The following TLR5 variants were observed in gnomAD, a reference collection of about 807,000 sequenced individuals.
The protein encoded by TLR5 is toll-like receptor 5.
For missense variants in TLR5, 944 were observed against 999.8 expected (o/e 0.94, Z 0.75); for synonymous variants, 373 against 384.4 (o/e 0.97, Z 0.35).
In TLR5 at chr1:223,111,292, C is replaced by CACAAATGAA; in HGVS notation, c.1739_1740insTTCATTTGT (p.Lys580delinsAsnSerPheVal). 2 of 1,614,098 alleles carry CACAAATGAA rather than the reference C, an allele frequency of 1.2e-6. No homozygotes were observed. The highest frequency in any genetic ancestry group is 1.7e-6 in the Non-Finnish European group (2 of 1,180,022). On this transcript the variant is annotated protein_altering_variant, in exon 6 of 6. Coordinates refer to ENST00000642603, the MANE Select transcript of TLR5 (RefSeq NM_003268.6). ...TGCTAAGTTCACATTCACAAATGAA[C>CACAAATGAA]TTGTTATGAGTTATATCCAAGACAC... is the stretch of plus-strand genomic sequence containing the variant.
At chr1:223,121,563 G>A (rs2102896764) in intron 5 of TLR5, among the ~76,000 whole-genome samples, 1 of 152,318 alleles carries the variant, frequency 6.6e-6, no homozygotes, top group South Asian at 2.1e-4. Flanking sequence ...CTGCTGTCCA[G>A]GCTGGAGTGC....
At chr1:223,122,340 C>T (rs1458110979) in intron 5 of TLR5, among the ~76,000 whole-genome samples, 7 of 152,086 alleles carry the variant, frequency 4.6e-5, no homozygotes, top group African/African-American at 1.4e-4. Flanking sequence ...CTCCAGGGTT[C>T]CTGGCGTGCA....
chr1:223,114,451 G>A (rs140923375), intron 5 of TLR5, among the ~76,000 whole-genome samples: 3 of 152,308 alleles, frequency 2.0e-5, no homozygotes, highest in African/African-American at 4.8e-5. Flanking sequence ...AGGAGAATGA[G>A]AGGAAAAATA....
chr1:223,142,995 C>T (rs1657945562), intron 1 of TLR5, among the ~76,000 whole-genome samples: 1 of 152,164 alleles, frequency 6.6e-6, no homozygotes, highest in Non-Finnish European at 1.5e-5. Flanking sequence ...GGCCGAGGGA[C>T]CCCACGTCTC....
chr1:223,125,351 G>T lies in TLR5; in HGVS notation c.-5+7124C>A, dbSNP rs1657123858. 4.6e-5 allele frequency among the ~76,000 whole-genome samples: 7 copies of T among 152,322 alleles called. No homozygotes were observed. In the South Asian group the frequency reaches 1.4e-3, roughly 32 times the overall value. On this transcript the variant is annotated intron_variant, in intron 5 of 5. Coordinates refer to ENST00000642603, the MANE Select transcript of TLR5 (RefSeq NM_003268.6). ...CCCCTGCACCTGCAAGGCTGAGTAT[G>T]GAGAACCCGTGGGACTGTCTTGAAA...
In TLR5 at chr1:223,115,252, T is replaced by C. The variant is rs562012035; in HGVS notation, c.-4-2217A>G. 5.3e-5 allele frequency among the ~76,000 whole-genome samples: 8 copies of C among 152,292 alleles called. No homozygotes were observed. In the East Asian group the frequency reaches 1.4e-3, roughly 26 times the overall value. The stretch of plus-strand genomic sequence containing the variant: ...ACCCATTATGTGTCAGGCACTGTTT[T>C]ATTTATTATTTATTTGAGACAGGGT... On this transcript the variant is annotated intron_variant, in intron 5 of 5. Coordinates refer to ENST00000642603, the MANE Select transcript of TLR5 (RefSeq NM_003268.6).
intron 2 of TLR5, among the ~76,000 whole-genome samples, chr1:223,137,643 G>A (rs1001096528): frequency 5.3e-5 from 8 of 152,122 alleles, no homozygotes. Context: ...AGTTCTATGG[G>A]GCACTTGCAG....
intron 5 of TLR5, among the ~76,000 whole-genome samples, chr1:223,116,574 C>T (rs909768812): frequency 2.6e-5 from 4 of 152,134 alleles, no homozygotes; most frequent in African/African-American, 9.7e-5. Context: ...AACAAACCTT[C>T]CACGGTGTGA....
rs997341774 is a variant in TLR5 at position 223,131,275 on chromosome 1, G to A, written c.-5+1200C>T. Among the ~76,000 whole-genome samples the A allele has an allele frequency of 6.6e-6, 1 of 152,206 alleles. No homozygotes were observed. The highest frequency in any genetic ancestry group is 2.4e-5 in the African/African-American group (1 of 41,434). The stretch of plus-strand genomic sequence containing the variant: ...ATGGTTGACTAGAGAGGCCCTCAGG[G>A]CTTGAACCCTTTCATTTCACAGAGC... On this transcript the variant is annotated intron_variant, in intron 5 of 5. Transcript: ENST00000642603. This position sits in a 1 kb window ranked among gnomAD's most constrained non-coding sequence, Gnocchi z 4.2.
Position 223,137,283 on chromosome 1 carries a change from T to C in TLR5, c.-438-20A>G, listed in dbSNP as rs1439265310. On this transcript the variant is annotated intron_variant, in intron 2 of 5. Coordinates refer to ENST00000642603, the MANE Select transcript of TLR5 (RefSeq NM_003268.6). Reference sequence around the variant, plus strand: ...ATCAATCTATGGTAAAATACAAACTTACTTATCTTGAATTTAGCATAGTGG... The same window carrying C: ...ATCAATCTATGGTAAAATACAAACTCACTTATCTTGAATTTAGCATAGTGG... 1 of 152,190 alleles carries C rather than the reference T, an allele frequency of 6.6e-6. No individual in the cohort carries two copies. The highest frequency in any genetic ancestry group is 1.5e-5 in the Non-Finnish European group (1 of 68,040). The allele number at this position is 152,190 out of a possible 1,614,324, so 9.4% of individuals were successfully genotyped here.
At chr1:223,138,087 TAGCTGG>T in intron 2 of TLR5, among the ~76,000 whole-genome samples, 1 of 149,144 alleles carries the variant, frequency 6.7e-6, no homozygotes, top group Non-Finnish European at 1.5e-5. Flanking sequence ...GCTTCTGGAG[TAGCTGG>T]GGCTATAGGC....
At position 223,110,638 on chromosome 1, in the gene TLR5, G is replaced by T. The variant is rs781035131; in HGVS notation, c.2394C>A (p.Tyr798Ter). Residue 798 changes from tyrosine (Y) to a stop codon, truncating the protein, a stop_gained, in exon 6 of 6, where the codon TAC becomes TAA. Transcript: ENST00000642603. LOFTEE classifies it low-confidence loss of function (END_TRUNC). ...TGATGGATTGATGTTTCATCAACTG[G>T]TACTGGGACAAGGACCCAACCACCA... ...IMVVVGSLSQ[Y>*]QLMKHQSIRG... 6.2e-7 allele frequency: 1 copy of T among 1,614,060 alleles called. No individual in the cohort carries two copies. The highest frequency in any genetic ancestry group is 8.5e-7 in the Non-Finnish European group (1 of 1,180,022).
rs560355844 is a variant in TLR5 at position 223,137,994 on chromosome 1, T to C, written c.-438-731A>G. 2.2e-5 allele frequency among the ~76,000 whole-genome samples: 3 copies of C among 134,514 alleles called. No homozygotes were observed. The South Asian group carries it at 7.8e-4, about 35-fold the overall frequency. The allele number at this position is 134,514 out of a possible 152,430, so 88.2% of individuals were successfully genotyped here. ...TTTTTTTTGAGACCAGGTCTCACTG[T>C]ATCACCCAGACTGGAGTGAAGTGGT... On this transcript the variant is annotated intron_variant, in intron 2 of 5. Transcript: ENST00000642603.
At chr1:223,141,811 A>G (rs1247562362) in intron 1 of TLR5, 48 bp from the exon 2 acceptor site, 2 of 61,336 alleles carry the variant, frequency 3.3e-5, no homozygotes, top group Non-Finnish European at 6.3e-5. Flanking sequence ...ATATATATAT[A>G]TATATATATA....
At chr1:223,140,511 C>T (rs1488296383) in intron 2 of TLR5, among the ~76,000 whole-genome samples, 2 of 147,922 alleles carry the variant, frequency 1.4e-5, no homozygotes, top group Non-Finnish European at 3.0e-5. Flanking sequence ...CACACAAATG[C>T]ACTCCAGCCT....
At chr1:223,136,172 G>A (rs996817848) in intron 3 of TLR5, among the ~76,000 whole-genome samples, 2 of 152,208 alleles carry the variant, frequency 1.3e-5, no homozygotes, top group African/African-American at 4.8e-5. Context: ...AAGACAGGAA[G>A]GGAAAAGGGG....
chr1:223,139,914 A>T (rs961716369), intron 2 of TLR5, among the ~76,000 whole-genome samples: 4 of 152,188 alleles, frequency 2.6e-5, no homozygotes, highest in Non-Finnish European at 5.9e-5. Flanking sequence ...TTGAATTTCA[A>T]TCAAGAATCA....
intron 2 of TLR5, among the ~76,000 whole-genome samples, chr1:223,140,738 C>T (rs1232701605): frequency 6.6e-6 from 1 of 152,142 alleles, no homozygotes; most frequent in African/African-American, 2.4e-5. Context: ...TGGCCAAGCC[C>T]TTGATGGTCA....
Position 223,134,712 on chromosome 1 carries a change from C to T in TLR5, c.-200G>A, listed in dbSNP as rs1021293862. 6.6e-6 allele frequency: 1 copy of T among 152,292 alleles called. No individual in the cohort carries two copies. The highest frequency in any genetic ancestry group is 1.5e-5 in the Non-Finnish European group (1 of 68,046). The allele number at this position is 152,292 out of a possible 1,614,324, so 9.4% of individuals were successfully genotyped here. ...TCCAGGTTCGGACAGCGCCAACATTCTCAATTAGAAAATTAACATCTGAGG... is the reference window on the plus strand; with the variant it reads ...TCCAGGTTCGGACAGCGCCAACATTTTCAATTAGAAAATTAACATCTGAGG... On this transcript the variant is annotated 5_prime_UTR_variant, in exon 4 of 6. Transcript: ENST00000642603.
Sources: gnomAD v4.1 joint callset for allele counts (sites outside exome capture counted in the v4.1 genomes callset) on GRCh38, gnomAD v4.1.1 for gene constraint, Gnocchi (gnomAD v3.1) non-coding constraint, MANE v1.5 for transcripts, NCBI Gene and HGNC (gene_info 2026-07-23, HGNC 2026-07-21) for gene names.